The following PLXDC2 variants were observed in gnomAD, a reference collection of about 807,000 sequenced individuals.
PLXDC2 encodes plexin domain containing 2.
Under a neutral mutation model 68.9 loss-of-function variants are expected in PLXDC2, and 40 were observed. The ratio of observed to expected loss-of-function variants is 0.58; its 90% CI spans 0.45 to 0.76. PLXDC2 has a LOEUF of 0.76. Ranked by LOEUF, PLXDC2 falls within the 30% of genes least tolerant of loss-of-function variation. The pLI is 0.00. For synonymous variants in PLXDC2, 243 were observed against 234.2 expected (o/e 1.04, Z -0.34); for missense variants, 644 against 661.9 (o/e 0.97, Z 0.30).
chr10:20,217,657 T>A, intron 11 of PLXDC2, 81 bp downstream of exon 11: 1 of 1,405,546 alleles, frequency 7.1e-7, no homozygotes. Context: ...TGTGTTGACA[T>A]GTACTGGAAT....
chr10:20,220,763 A>G (rs1835199015), intron 12 of PLXDC2, among the ~76,000 whole-genome samples: 3 of 152,064 alleles, frequency 2.0e-5, no homozygotes, highest in Non-Finnish European at 4.4e-5. Flanking sequence ...CTTTGAGAGA[A>G]CATGCATCCT....
At chr10:19,840,179 T>C (rs1319511141) in intron 1 of PLXDC2, among the ~76,000 whole-genome samples, 1 of 152,158 alleles carries the variant, frequency 6.6e-6, no homozygotes. Context: ...AATATCTATA[T>C]ATAGTTGTGA....
intron 1 of PLXDC2, among the ~76,000 whole-genome samples, chr10:19,828,808 C>G (rs1455649152): frequency 1.3e-5 from 2 of 152,022 alleles, no homozygotes; most frequent in African/African-American, 4.8e-5. Flanking sequence ...CTTCAGATGG[C>G]TTTTCTCCAG....
chr10:20,081,421 A>T (rs1344173235), intron 4 of PLXDC2, among the ~76,000 whole-genome samples: 1 of 97,156 alleles, frequency 1.0e-5, no homozygotes, highest in Non-Finnish European at 2.0e-5. Flanking sequence ...AAAAAATGAA[A>T]AAAACAAAAA....
At chr10:20,192,047 A>G (rs934646934) in intron 9 of PLXDC2, among the ~76,000 whole-genome samples, 1 of 152,092 alleles carries the variant, frequency 6.6e-6, no homozygotes, top group African/African-American at 2.4e-5. Flanking sequence ...GTTAAGAGTT[A>G]GAATCCTTGT....
chr10:20,149,387 C>T (rs978818030), intron 6 of PLXDC2, among the ~76,000 whole-genome samples: 1 of 151,462 alleles, frequency 6.6e-6, no homozygotes, highest in Non-Finnish European at 1.5e-5. Context: ...TACAGGCATG[C>T]ACCACCATGC....
At chr10:20,238,396 C>T (rs1053389453) in intron 12 of PLXDC2, among the ~76,000 whole-genome samples, 4 of 150,482 alleles carry the variant, frequency 2.7e-5, no homozygotes, top group Non-Finnish European at 5.9e-5. Flanking sequence ...CCCGTAATTC[C>T]AGCACTTTAG....
chr10:20,062,154 G>A (rs529706405), intron 3 of PLXDC2, among the ~76,000 whole-genome samples: 2 of 152,310 alleles, frequency 1.3e-5, no homozygotes, highest in East Asian at 1.9e-4. Context: ...GGCTGGGCAC[G>A]GTGGCTCACG....
intron 1 of PLXDC2, among the ~76,000 whole-genome samples, chr10:19,898,007 T>A (rs534185474): frequency 6.6e-6 from 1 of 152,310 alleles, no homozygotes; most frequent in East Asian, 1.9e-4. Flanking sequence ...TCAAACTCAT[T>A]AAGAAATTAT....
At chr10:20,055,648 G>C (rs1835985123) in intron 3 of PLXDC2, among the ~76,000 whole-genome samples, 1 of 152,020 alleles carries the variant, frequency 6.6e-6, no homozygotes, top group African/African-American at 2.4e-5. Flanking sequence ...TGAGACACAA[G>C]TTTATCAACC....
At chr10:20,149,355 C>T (rs1025967856) in intron 6 of PLXDC2, among the ~76,000 whole-genome samples, 1 of 148,254 alleles carries the variant, frequency 6.7e-6, no homozygotes, top group Non-Finnish European at 1.5e-5. Flanking sequence ...TCTCCTGCCT[C>T]AGCCTCCCAA....
intron 2 of PLXDC2, among the ~76,000 whole-genome samples, chr10:20,034,146 A>G (rs1304475137): frequency 6.6e-6 from 1 of 152,202 alleles, no homozygotes; most frequent in Non-Finnish European, 1.5e-5. Flanking sequence ...AAGTTTGAAA[A>G]CAATCACCCA....
chr10:20,275,875 T>G (rs889730881), intron 13 of PLXDC2, among the ~76,000 whole-genome samples: 8 of 152,258 alleles, frequency 5.3e-5, no homozygotes, highest in African/African-American at 1.9e-4. Flanking sequence ...ATCGCGCCAC[T>G]GCTCTCCAGC....
intron 3 of PLXDC2, among the ~76,000 whole-genome samples, chr10:20,056,018 G>A (rs1009798386): frequency 1.3e-5 from 2 of 152,014 alleles, no homozygotes; most frequent in East Asian, 1.9e-4. Context: ...ATAGGATTTG[G>A]CATCATCGGA....
chr10:19,893,543 C>T (rs767253672), intron 1 of PLXDC2, among the ~76,000 whole-genome samples: 1 of 152,152 alleles, frequency 6.6e-6, no homozygotes, highest in Non-Finnish European at 1.5e-5. Flanking sequence ...ATAAACTCCA[C>T]CTGATAACTT....
chr10:20,117,860 A>G (rs1436598223), intron 4 of PLXDC2, among the ~76,000 whole-genome samples: 3 of 152,198 alleles, frequency 2.0e-5, no homozygotes, highest in Admixed American at 2.0e-4. Flanking sequence ...ATTGAAAGGT[A>G]TGTGTATCTG....
chr10:19,859,788 G>A (rs1837285795), intron 1 of PLXDC2, among the ~76,000 whole-genome samples: 1 of 152,172 alleles, frequency 6.6e-6, no homozygotes, highest in Non-Finnish European at 1.5e-5. Context: ...CTAGAGTGCA[G>A]TGGTGCGATC....
intron 1 of PLXDC2, among the ~76,000 whole-genome samples, chr10:19,958,247 A>T (rs1175319168): frequency 1.3e-5 from 2 of 152,092 alleles, no homozygotes; most frequent in South Asian, 2.1e-4. Context: ...GGTACCTGTT[A>T]TACAGTATAC....
chr10:20,261,532 A>G (rs909788205), intron 13 of PLXDC2, among the ~76,000 whole-genome samples: 1 of 152,190 alleles, frequency 6.6e-6, no homozygotes, highest in Non-Finnish European at 1.5e-5. Flanking sequence ...AATTTTGGAC[A>G]TGGAATCTCA....
Sources: allele counts gnomAD v4.1 joint callset (sites outside exome capture counted in the v4.1 genomes callset), GRCh38; gene constraint gnomAD v4.1.1; transcripts MANE v1.5; gene names NCBI Gene and HGNC (gene_info 2026-07-23, HGNC 2026-07-21).